Variants in LARP4B observed in about 807,000 individuals in gnomAD.
LARP4B encodes the protein la-related protein 4B.
Under a neutral mutation model 89.8 loss-of-function variants are expected in LARP4B, and 12 were observed. The ratio of observed to expected loss-of-function variants is 0.13; its 90% CI spans 0.09 to 0.22. The LOEUF is 0.22. Among genes scored for constraint, LARP4B ranks in the 10% least tolerant of loss-of-function variants. LARP4B has a pLI of 1.00. For synonymous variants in LARP4B, 367 were observed against 363.3 expected (o/e 1.01, Z -0.12); for missense variants, 757 against 947.7 (o/e 0.80, Z 2.64).
chr10:876,384 T>C (rs1048943409), intron 3 of LARP4B, among the ~76,000 whole-genome samples: 2 of 151,074 alleles, frequency 1.3e-5, no homozygotes, highest in Non-Finnish European at 2.9e-5. Flanking sequence ...AAACTCCGTC[T>C]CAGAAAAAAG....
chr10:923,407 C>T (rs989402649), intron 1 of LARP4B, among the ~76,000 whole-genome samples: 2 of 151,878 alleles, frequency 1.3e-5, no homozygotes, highest in Non-Finnish European at 2.9e-5. Flanking sequence ...ATTTACTGAC[C>T]CCTCCTCCAG....
At chr10:900,733 C>T (rs1441509071) in intron 1 of LARP4B, among the ~76,000 whole-genome samples, 1 of 149,316 alleles carries the variant, frequency 6.7e-6, no homozygotes, top group Non-Finnish European at 1.5e-5. Context: ...GATTCTCCTG[C>T]CTCAGCCTCT....
intron 1 of LARP4B, among the ~76,000 whole-genome samples, chr10:900,406 G>A (rs192498090): frequency 2.5e-4 from 32 of 129,002 alleles, no homozygotes; most frequent in African/African-American, 8.8e-4. Flanking sequence ...TTCTAGGATC[G>A]GAAAGAAGGA....
At chr10:840,872 C>T (rs1833489523) in intron 7 of LARP4B, among the ~76,000 whole-genome samples, 1 of 152,144 alleles carries the variant, frequency 6.6e-6, no homozygotes, top group Non-Finnish European at 1.5e-5. Flanking sequence ...TAAGATGAGG[C>T]CAGGCATGGT....
chr10:916,346 G>A (rs776671344), intron 1 of LARP4B, among the ~76,000 whole-genome samples: 9 of 152,270 alleles, frequency 5.9e-5, no homozygotes, highest in Admixed American at 4.6e-4. Context: ...CTTGGCTACA[G>A]TCAAAAATTT....
At chr10:883,705 G>A (rs1288632557) in intron 3 of LARP4B, among the ~76,000 whole-genome samples, 6 of 151,224 alleles carry the variant, frequency 4.0e-5, no homozygotes, top group African/African-American at 1.2e-4. Context: ...AGGCCAAGGC[G>A]GGAGGATCAC....
chr10:904,147 A>G (rs911769095), intron 1 of LARP4B, among the ~76,000 whole-genome samples: 1 of 152,150 alleles, frequency 6.6e-6, no homozygotes, highest in Non-Finnish European at 1.5e-5. Context: ...ATCCAAGCAC[A>G]ATGATGCATA....
intron 3 of LARP4B, among the ~76,000 whole-genome samples, chr10:884,069 T>A (rs1835778966): frequency 6.6e-6 from 1 of 152,246 alleles, no homozygotes; most frequent in Non-Finnish European, 1.5e-5. Flanking sequence ...ACAAATTTTC[T>A]GAGTAAAAGC....
chr10:841,809 T>C (rs2131725416), intron 7 of LARP4B, among the ~76,000 whole-genome samples: 1 of 152,302 alleles, frequency 6.6e-6, no homozygotes, highest in East Asian at 1.9e-4. Flanking sequence ...GTAATTATGT[T>C]TGTCAGTTTT....
At chr10:963,279 C>T in the LARP4B span, among the ~76,000 whole-genome samples, 1 of 152,200 alleles carries the variant, frequency 6.6e-6, no homozygotes, top group Non-Finnish European at 1.5e-5. Flanking sequence ...GACACCCTGA[C>T]TTCACAAGTG....
chr10:979,412 C>A, the LARP4B span, among the ~76,000 whole-genome samples: 1 of 152,156 alleles, frequency 6.6e-6, no homozygotes, highest in African/African-American at 2.4e-5. Flanking sequence ...CAAAGGGAGG[C>A]CCCAGCAGAA....
chr10:925,857 CTG>C (rs1222797996), intron 1 of LARP4B, among the ~76,000 whole-genome samples: 6 of 152,164 alleles, frequency 3.9e-5, no homozygotes, highest in Non-Finnish European at 8.8e-5. Context: ...TTTTTAAAGA[CTG>C]AGAAACAGTA....
chr10:941,217 T>G, the LARP4B span, among the ~76,000 whole-genome samples: 1 of 152,230 alleles, frequency 6.6e-6, no homozygotes, highest in African/African-American at 2.4e-5. Flanking sequence ...TTCAGAGTTG[T>G]CACCTATTGT....
the LARP4B span, among the ~76,000 whole-genome samples, chr10:968,663 G>A: frequency 0.76 from 115,807 of 152,212 alleles, 44,372 homozygotes; most frequent in East Asian, 0.9. Flanking sequence ...TTTGTTGATG[G>A]TATCTCAAAG....
intron 1 of LARP4B, among the ~76,000 whole-genome samples, chr10:888,337 C>CAAAAAA (rs547831151): frequency 8.1e-6 from 1 of 123,778 alleles, no homozygotes; most frequent in Non-Finnish European, 1.7e-5. Context: ...AACAAACAAA[C>CAAAAAA]AAAAAAAAAA....
chr10:840,791 A>G (rs1334682257), intron 7 of LARP4B, among the ~76,000 whole-genome samples: 1 of 152,248 alleles, frequency 6.6e-6, no homozygotes, highest in African/African-American at 2.4e-5. Flanking sequence ...AAAAGATAAA[A>G]TTAAATATTC....
intron 11 of LARP4B, among the ~76,000 whole-genome samples, chr10:828,550 C>T (rs1832738448): frequency 1.3e-5 from 2 of 152,192 alleles, no homozygotes; most frequent in Non-Finnish European, 2.9e-5. Flanking sequence ...GCCATCCGAC[C>T]CTGAGGACCA....
chr10:927,331 A>G (rs1837171413), intron 1 of LARP4B, among the ~76,000 whole-genome samples: 1 of 152,246 alleles, frequency 6.6e-6, no homozygotes, highest in African/African-American at 2.4e-5. Context: ...AGCTGAGTTA[A>G]TAATTTTCCT....
downstream of LARP4B, chr10:808,194 C>A (rs1417272153): frequency 1.3e-5 from 2 of 152,242 alleles, no homozygotes; most frequent in South Asian, 4.1e-4. Context: ...GTGGTCACTT[C>A]CATCCAGGGA....
Sources: gnomAD v4.1 joint callset for allele counts (sites outside exome capture counted in the v4.1 genomes callset) on GRCh38, gnomAD v4.1.1 for gene constraint, MANE v1.5 for transcripts, NCBI Gene and HGNC (gene_info 2026-07-23, HGNC 2026-07-21) for gene names.